The following CSMD3 variants were observed in gnomAD, a reference collection of about 807,000 sequenced individuals.
The protein encoded by CSMD3 is CUB and Sushi multiple domains 3, also known as CUB and sushi domain-containing protein 3.
CSMD3 carries 177 observed loss-of-function variants against 435.2 expected under a neutral mutation model. The observed-to-expected ratio is 0.41, with a 90% CI of 0.36 to 0.46. CSMD3 has a LOEUF of 0.46. Among genes scored for constraint, CSMD3 ranks in the 20% least tolerant of loss-of-function variants. The pLI is 0.34. For missense variants in CSMD3, 4,265 were observed against 4,504.6 expected (o/e 0.95, Z 1.52); for synonymous variants, 1,656 against 1,520.5 (o/e 1.09, Z -2.07).
At chr8:113,129,307 G>A (rs1304009746) in intron 4 of CSMD3, among the ~76,000 whole-genome samples, 2 of 152,092 alleles carry the variant, frequency 1.3e-5, no homozygotes, top group African/African-American at 2.4e-5. Context: ...ACTAGGGTGG[G>A]ATTCAGGGAG....
At chr8:112,858,354 T>A (rs1296180084) in intron 11 of CSMD3, among the ~76,000 whole-genome samples, 1 of 151,700 alleles carries the variant, frequency 6.6e-6, no homozygotes, top group Non-Finnish European at 1.5e-5. Context: ...AAATTATACA[T>A]CAGTATATGA....
At chr8:112,361,827 A>G (rs1827272023) in intron 38 of CSMD3, among the ~76,000 whole-genome samples, 1 of 151,628 alleles carries the variant, frequency 6.6e-6, no homozygotes, top group East Asian at 1.9e-4. Flanking sequence ...TTATGTGAGA[A>G]AGAAACAAAA....
intron 9 of CSMD3, among the ~76,000 whole-genome samples, chr8:112,922,497 C>T (rs892961440): frequency 6.6e-6 from 1 of 151,750 alleles, no homozygotes; most frequent in Admixed American, 6.6e-5. Context: ...ATTAACCATA[C>T]CCCTCTCCCT....
At chr8:112,621,158 C>T (rs1026555786) in intron 22 of CSMD3, among the ~76,000 whole-genome samples, 2 of 152,034 alleles carry the variant, frequency 1.3e-5, no homozygotes, top group African/African-American at 4.8e-5. Flanking sequence ...TCGCTTGAAC[C>T]TGGGAGGTGG....
At chr8:112,958,688 C>A (rs1379690329) in intron 7 of CSMD3, among the ~76,000 whole-genome samples, 1 of 152,138 alleles carries the variant, frequency 6.6e-6, no homozygotes, top group Non-Finnish European at 1.5e-5. Flanking sequence ...AAAATGCCTA[C>A]TATAAAAATT....
chr8:112,592,835 C>T (rs1393821632), intron 22 of CSMD3, among the ~76,000 whole-genome samples: 2 of 152,018 alleles, frequency 1.3e-5, no homozygotes, highest in Non-Finnish European at 2.9e-5. Flanking sequence ...GGTCCTCTTC[C>T]TCATGTGATA....
rs555001190 is a variant in CSMD3, at chr8:113,256,558, T to G, written c.514+22034A>C. Among the ~76,000 whole-genome samples the G allele has an allele frequency of 7.9e-5, 12 of 152,316 alleles. No individual in the cohort carries two copies. In the South Asian group the frequency reaches 2.5e-3, roughly 32 times the overall value. ...TTGGAAATATTGCATAACTTTACAATTGTCAAGAATGTATTTCCTAACAAC... is the reference window on the plus strand; with the variant it reads ...TTGGAAATATTGCATAACTTTACAAGTGTCAAGAATGTATTTCCTAACAAC... On this transcript the variant is annotated intron_variant, in intron 3 of 70. Transcript: ENST00000297405.
intron 6 of CSMD3, among the ~76,000 whole-genome samples, chr8:112,989,050 T>C (rs988697021): frequency 3.3e-5 from 5 of 152,110 alleles, no homozygotes; most frequent in Non-Finnish European, 5.9e-5. Flanking sequence ...ATTTGTCGAG[T>C]GCTTAGTTTA....
chr8:112,537,924 A>G (rs1020120391), intron 27 of CSMD3, among the ~76,000 whole-genome samples: 1 of 152,070 alleles, frequency 6.6e-6, no homozygotes, highest in Non-Finnish European at 1.5e-5. Context: ...CAGCATGAAA[A>G]GAAAACAAAG....
chr8:113,314,899 CAAT>C (rs138882481), intron 1 of CSMD3, 106 bp from the exon 2 acceptor site: 1 of 744,790 alleles, frequency 1.3e-6, no homozygotes, highest in African/African-American at 1.8e-5. Flanking sequence ...CCAAAGTTAA[CAAT>C]AATTTTATAA....
intron 13 of CSMD3, among the ~76,000 whole-genome samples, chr8:112,695,259 T>C (rs936697410): frequency 2.6e-5 from 4 of 152,202 alleles, no homozygotes; most frequent in Admixed American, 6.5e-5. Flanking sequence ...ATCTAATATG[T>C]AACGTTATAG....
intron 5 of CSMD3, among the ~76,000 whole-genome samples, chr8:113,041,067 G>A (rs139183643): frequency 0.022 from 3,358 of 151,980 alleles, 58 homozygotes; most frequent in South Asian, 0.03. Context: ...TTGGCCACAC[G>A]TGGTGGTGTG....
chr8:112,914,432 G>A (rs1448036488), intron 10 of CSMD3, among the ~76,000 whole-genome samples: 1 of 151,706 alleles, frequency 6.6e-6, no homozygotes, highest in African/African-American at 2.4e-5. Flanking sequence ...TATCTGCCAT[G>A]TGCCAGGCAT....
At position 112,920,986 on chromosome 8, in the gene CSMD3, T is replaced by G. The variant is rs985292914; in HGVS notation, c.1633+641A>C. 7.9e-4 allele frequency among the ~76,000 whole-genome samples: 90 copies of G among 114,536 alleles called. 1 individual carries two copies. The highest frequency in any genetic ancestry group is 1.9e-3 in the Admixed American group (20 of 10,654). 75.1% of individuals were successfully genotyped at this position (114,536 alleles called of 152,430 possible). ...ATTTATATATATATATGTACACACA[T>G]ACGCGCGCGCGCACACACACACACA... On this transcript the variant is annotated intron_variant, in intron 10 of 70. Coordinates refer to ENST00000297405, the MANE Select transcript of CSMD3 (RefSeq NM_198123.2).
chr8:112,889,610 C>T (rs975792568), intron 10 of CSMD3, among the ~76,000 whole-genome samples: 3 of 151,582 alleles, frequency 2.0e-5, no homozygotes, highest in Non-Finnish European at 4.4e-5. Context: ...GATTTCATGT[C>T]TGCTTGGGAA....
At chr8:113,317,723 G>A (rs908100805) in intron 1 of CSMD3, among the ~76,000 whole-genome samples, 2 of 152,058 alleles carry the variant, frequency 1.3e-5, no homozygotes, top group Non-Finnish European at 2.9e-5. Flanking sequence ...ATGCTTCACA[G>A]GGTTGGTCAT....
intron 7 of CSMD3, among the ~76,000 whole-genome samples, chr8:112,972,087 T>G (rs936210110): frequency 6.6e-6 from 1 of 151,980 alleles, no homozygotes; most frequent in African/African-American, 2.4e-5. Context: ...TCTGTACACA[T>G]TAAGTACAAA....
At chr8:112,680,544 C>T (rs1262972166) in intron 16 of CSMD3, among the ~76,000 whole-genome samples, 1 of 152,164 alleles carries the variant, frequency 6.6e-6, no homozygotes, top group Non-Finnish European at 1.5e-5. Flanking sequence ...TATTGTGTAA[C>T]TCCACTATGT....
intron 1 of CSMD3, among the ~76,000 whole-genome samples, chr8:113,383,393 C>G (rs1169279951): frequency 6.6e-6 from 1 of 152,076 alleles, no homozygotes; most frequent in African/African-American, 2.4e-5. Context: ...TAACATAGTC[C>G]TTATTACAGC....
Sources: allele counts gnomAD v4.1 joint callset (sites outside exome capture counted in the v4.1 genomes callset), GRCh38; gene constraint gnomAD v4.1.1; transcripts MANE v1.5; gene names NCBI Gene and HGNC (gene_info 2026-07-23, HGNC 2026-07-21).